The following HTR3B variants were observed in gnomAD, a reference collection of about 807,000 sequenced individuals.
HTR3B encodes the protein 5-hydroxytryptamine receptor 3B.
A neutral mutation model predicts 42.8 loss-of-function variants in HTR3B; 44 were observed. The ratio of observed to expected loss-of-function variants is 1.03; its 90% CI spans 0.81 to 1.32. The LOEUF (loss-of-function observed/expected upper bound fraction) is 1.32. HTR3B is among the 40% of genes most tolerant of loss of function. The pLI, the probability that HTR3B is intolerant of heterozygous loss-of-function variation, is 0.00. For missense variants in HTR3B, 527 were observed against 536.5 expected (o/e 0.98, Z 0.17); for synonymous variants, 203 against 209.0 (o/e 0.97, Z 0.25).
At chr11:113,924,624 CAAA>C (rs34212177) in intron 2 of HTR3B, among the ~76,000 whole-genome samples, 1 of 52,230 alleles carries the variant, frequency 1.9e-5, no homozygotes, top group Non-Finnish European at 3.2e-5. Context: ...GACCTTGTCT[CAAA>C]AAAAAAAAAA....
At position 113,946,197 on chromosome 11, in the gene HTR3B, T is replaced by C. The variant is rs560320368; in HGVS notation, c.*60T>C. Reference sequence around the variant, plus strand: ...TTAGGAGAGAGAGGAGGGGGAATAATAGTGGGTTAAAAAGCTTTCTGGGTC... The same window carrying C: ...TTAGGAGAGAGAGGAGGGGGAATAACAGTGGGTTAAAAAGCTTTCTGGGTC... On this transcript the variant is annotated 3_prime_UTR_variant, in exon 9 of 9. Coordinates refer to ENST00000260191, the MANE Select transcript of HTR3B (RefSeq NM_006028.5). 195 of 1,379,062 alleles carry C rather than the reference T, an allele frequency of 1.4e-4. 1 individual carries two copies. The highest frequency in any genetic ancestry group is 1.9e-4 in the Non-Finnish European group (184 of 976,142). The allele number at this position is 1,379,062 out of a possible 1,614,324, so 85.4% of individuals were successfully genotyped here.
intron 7 of HTR3B, 98 bp downstream of exon 7, chr11:113,943,290 A>G: frequency 9.6e-7 from 1 of 1,043,904 alleles, no homozygotes; most frequent in Non-Finnish European, 1.4e-6. Flanking sequence ...TAATATCAGC[A>G]CTTTGGGAGG....
At position 113,936,620 on chromosome 11, in the gene HTR3B, G is replaced by A. The variant is rs186817566; in HGVS notation, c.696+3527G>A. ...TTTCTGGGTCACTCAAGTGATGTGG[G>A]AATCACAGACTGACTTTCTGCTAAT... On this transcript the variant is annotated intron_variant, in intron 6 of 8. Transcript: ENST00000260191. 1.7e-3 allele frequency among the ~76,000 whole-genome samples: 253 copies of A among 152,222 alleles called. 1 individual carries two copies. Among genetic ancestry groups the A allele is most frequent in the African/African-American group, 5.6e-3 (234 of 41,536 alleles).
At chr11:113,923,417 T>C (rs747949373) in intron 2 of HTR3B, among the ~76,000 whole-genome samples, 6 of 152,220 alleles carry the variant, frequency 3.9e-5, no homozygotes, top group Non-Finnish European at 8.8e-5. Flanking sequence ...AGAGATAATC[T>C]ACTCAACAGT....
At chr11:113,908,454 C>T (rs1218110827) in intron 1 of HTR3B, among the ~76,000 whole-genome samples, 2 of 152,166 alleles carry the variant, frequency 1.3e-5, no homozygotes, top group Non-Finnish European at 2.9e-5. Context: ...CAATTTGCTT[C>T]GGTCCAATGA....
At chr11:113,901,538 A>G (rs1269987549), upstream of HTR3B, among the ~76,000 whole-genome samples, 1 of 152,224 alleles carries the variant, frequency 6.6e-6, no homozygotes, top group African/African-American at 2.4e-5. Context: ...AGCTGACAGT[A>G]CAGAGCAAGG....
chr11:113,931,481 T>C, intron 3 of HTR3B, 53 bp downstream of exon 3: 1 of 1,115,646 alleles, frequency 9.0e-7, no homozygotes, highest in Non-Finnish European at 1.3e-6. Context: ...CTGGATCTGC[T>C]GCAAAATATA....
chr11:113,942,162 G>A (rs905580532), intron 6 of HTR3B, among the ~76,000 whole-genome samples: 3 of 152,158 alleles, frequency 2.0e-5, no homozygotes, highest in African/African-American at 7.2e-5. Context: ...CTGAGGTCAG[G>A]AGTTGGAGAC....
In HTR3B at chr11:113,935,130, A is replaced by C. The variant is rs185194965; in HGVS notation, c.696+2037A>C. Among the ~76,000 whole-genome samples, 10 of 152,248 alleles carry C rather than the reference A, an allele frequency of 6.6e-5. No homozygotes were observed. In the East Asian group the frequency reaches 1.9e-3, roughly 29 times the overall value. On this transcript the variant is annotated intron_variant, in intron 6 of 8. Coordinates refer to ENST00000260191, the MANE Select transcript of HTR3B (RefSeq NM_006028.5). ...GTCACTTTCCTTCACCCTAAATGTTAATTCGTCAACAGCAGCTGAAGGTTT... is the reference window on the plus strand; with the variant it reads ...GTCACTTTCCTTCACCCTAAATGTTCATTCGTCAACAGCAGCTGAAGGTTT...
intron 2 of HTR3B, among the ~76,000 whole-genome samples, chr11:113,927,525 A>C (rs1167644516): frequency 6.6e-6 from 1 of 151,940 alleles, no homozygotes; most frequent in East Asian, 1.9e-4. Flanking sequence ...TATAGAATTG[A>C]TATTCTGGAC....
Position 113,946,076 on chromosome 11 carries a change from T to C in HTR3B, c.1265T>C (p.Phe422Ser), listed in dbSNP as rs1318985685. 1 of 1,558,302 alleles carries C rather than the reference T, an allele frequency of 6.4e-7. No homozygotes were observed. The highest frequency in any genetic ancestry group is 2.3e-5 in the East Asian group (1 of 42,642). ...CGACTGCTCTTCCAAAGCTACCTTT[T>C]CATGCTGGGGATCTACACCATCACT... ...FDRLLFQSYLFMLGIYTITLC... is the reference protein window; with the variant it reads ...FDRLLFQSYLSMLGIYTITLC... Residue 422 changes from phenylalanine (F) to serine (S), a missense_variant, in exon 9 of 9, where the codon TTC (phenylalanine) becomes TCC (serine). By Grantham distance (155) the Phe-to-Ser change is radical. Transcript: ENST00000260191.
intron 6 of HTR3B, among the ~76,000 whole-genome samples, chr11:113,936,005 C>A (rs1950089053): frequency 6.6e-6 from 1 of 152,112 alleles, no homozygotes; most frequent in Admixed American, 6.6e-5. Flanking sequence ...ACCACGGATA[C>A]TTTGGAGTCA....
chr11:113,909,030 G>T lies in HTR3B; in HGVS notation c.53-265G>T, dbSNP rs569864028. The T allele has an allele frequency of 2.7e-5, 15 of 546,438 alleles. No homozygotes were observed. In the South Asian group the frequency reaches 4.3e-4, roughly 16 times the overall value. The allele number at this position is 546,438 out of a possible 1,614,324, so 33.8% of individuals were successfully genotyped here. The stretch of plus-strand genomic sequence containing the variant: ...CCAAAATGCAAGATTGTTGTAAAAT[G>T]GAATTGTAGGTACAGTTTTCCAACC... On this transcript the variant is annotated intron_variant, in intron 1 of 8. Coordinates refer to ENST00000260191, the MANE Select transcript of HTR3B (RefSeq NM_006028.5).
chr11:113,927,651 C>G (rs1949988932), intron 2 of HTR3B, among the ~76,000 whole-genome samples: 1 of 151,844 alleles, frequency 6.6e-6, no homozygotes, highest in Non-Finnish European at 1.5e-5. Context: ...CAACCTCTGC[C>G]TCCTGGGTTC....
chr11:113,927,404 T>C (rs988600701), intron 2 of HTR3B, among the ~76,000 whole-genome samples: 2 of 152,160 alleles, frequency 1.3e-5, no homozygotes, highest in Non-Finnish European at 2.9e-5. Flanking sequence ...TACTTATAGA[T>C]ATGTAGAAAA....
rs965701615 is a variant in HTR3B, at chr11:113,904,888, T to C, written c.-46T>C. ...TTAGGAGAAATTGAGCGGCATTCCA[T>C]CTGGTAGGCAAGTTTGCATTTCTCC... On this transcript the variant is annotated 5_prime_UTR_variant, in exon 1 of 9. Transcript: ENST00000260191. 6.7e-7 allele frequency: 1 copy of C among 1,502,496 alleles called. No individual in the cohort carries two copies. Among genetic ancestry groups the C allele is most frequent in the Non-Finnish European group, 9.3e-7 (1 of 1,078,368 alleles). The allele number at this position is 1,502,496 out of a possible 1,614,324, so 93.1% of individuals were successfully genotyped here.
intron 6 of HTR3B, among the ~76,000 whole-genome samples, chr11:113,939,774 T>C (rs942478807): frequency 2.0e-5 from 3 of 152,094 alleles, no homozygotes. Context: ...AAACTGCTTT[T>C]TGAAAAAGGA....
In HTR3B at chr11:113,928,660, C is replaced by A. The variant is rs144887710; in HGVS notation, c.214-2724C>A. Among the ~76,000 whole-genome samples the A allele has an allele frequency of 2.2e-3, 333 of 152,246 alleles. 2 individuals carry two copies. The highest frequency in any genetic ancestry group is 7.5e-3 in the African/African-American group (311 of 41,532). ...CAAGCAATTCTCCTGCCTCAGCCTC[C>A]CTCGTAGCTGGGATTACAGGTGTGC... On this transcript the variant is annotated intron_variant, in intron 2 of 8. Coordinates refer to ENST00000260191, the MANE Select transcript of HTR3B (RefSeq NM_006028.5).
upstream of HTR3B, among the ~76,000 whole-genome samples, chr11:113,903,309 G>A (rs545690128): frequency 6.6e-6 from 1 of 152,282 alleles, no homozygotes; most frequent in South Asian, 2.1e-4. Context: ...GAAGCTAGGT[G>A]TGCTTGTTAC....
Sources: gnomAD v4.1 joint callset for allele counts (sites outside exome capture counted in the v4.1 genomes callset) on GRCh38, gnomAD v4.1.1 for gene constraint, MANE v1.5 for transcripts, NCBI Gene and HGNC (gene_info 2026-07-23, HGNC 2026-07-21) for gene names.